Variants in SIK3 observed in about 807,000 individuals in gnomAD.
SIK3 encodes the protein SIK family kinase 3, also known as serine/threonine-protein kinase SIK3.
SIK3 carries 28 observed loss-of-function variants against 144.2 expected under a neutral mutation model. The observed-to-expected ratio is 0.19, with a 90% CI of 0.14 to 0.27. The LOEUF (loss-of-function observed/expected upper bound fraction) is 0.27. Ranked by LOEUF, SIK3 falls within the 10% of genes least tolerant of loss-of-function variation. The probability of loss-of-function intolerance (pLI) is 1.00; values close to 1 mark genes in which losing one functional copy is unlikely to be tolerated. For missense variants in SIK3, 1,319 were observed against 1,776.0 expected, an observed-to-expected ratio of 0.74 and a Z score of 4.62; for synonymous variants, 686 against 676.3, an observed-to-expected ratio of 1.01 and a Z score of -0.22.
At chr11:117,031,822 G>A (rs1565576843) in intron 1 of SIK3, among the ~76,000 whole-genome samples, 1 of 151,342 alleles carries the variant, frequency 6.6e-6, no homozygotes, top group Middle Eastern at 3.4e-3. Flanking sequence ...GATTACAGGC[G>A]TGAGCCACCG....
chr11:116,910,588 G>A (rs544209681), intron 4 of SIK3, among the ~76,000 whole-genome samples: 3 of 152,136 alleles, frequency 2.0e-5, no homozygotes, highest in South Asian at 2.1e-4. Context: ...AAGGAACACC[G>A]GAGTGCTGTA....
chr11:116,930,072 A>G (rs909138100), intron 3 of SIK3, among the ~76,000 whole-genome samples: 1 of 152,044 alleles, frequency 6.6e-6, no homozygotes, highest in Non-Finnish European at 1.5e-5. Context: ...AAATACACTT[A>G]CGGAACAAAT....
rs58587995 is a variant in SIK3 at position 116,965,734 on chromosome 11, AATATATATATATATAT to A, written c.274-8686_274-8671del. Among the ~76,000 whole-genome samples the A allele has an allele frequency of 9.0e-3, 1,059 of 118,302 alleles. 27 individuals carry two copies. Among genetic ancestry groups the A allele is most frequent in the African/African-American group, 0.024 (644 of 27,098 alleles). The allele number at this position is 118,302 out of a possible 152,430, so 77.6% of individuals were successfully genotyped here. Reference sequence around the variant, plus strand: ...CATGGTGAAAACCCGTCTCTGCTAAAATATATATATATATATATATATATATATATATATATATATA... The same window carrying A: ...CATGGTGAAAACCCGTCTCTGCTAAAATATATATATATATATATATATATA... On this transcript the variant is annotated intron_variant, in intron 1 of 24. Coordinates refer to ENST00000445177, the MANE Select transcript of SIK3 (RefSeq NM_001366686.3).
intron 13 of SIK3, among the ~76,000 whole-genome samples, chr11:116,873,076 A>G (rs1273205935): frequency 1.3e-5 from 2 of 152,224 alleles, no homozygotes; most frequent in Non-Finnish European, 2.9e-5. Flanking sequence ...GCATTAGTGA[A>G]AAGGCAATTT....
In SIK3 at chr11:116,858,825, A is replaced by G; in HGVS notation, c.2766-126T>C. Reference sequence around the variant, plus strand: ...AACTGTGGTGTGACAGAGAAGTGGCAGATGTATGCATTGTCCCTATTTATT... The same window carrying G: ...AACTGTGGTGTGACAGAGAAGTGGCGGATGTATGCATTGTCCCTATTTATT... On this transcript the variant is annotated intron_variant, in intron 20 of 24. Coordinates refer to ENST00000445177, the MANE Select transcript of SIK3 (RefSeq NM_001366686.3). This position sits in a 1 kb window ranked among gnomAD's most constrained non-coding sequence, Gnocchi z 5.4. 7.3e-7 allele frequency: 1 copy of G among 1,365,768 alleles called. No individual in the cohort carries two copies. Among genetic ancestry groups the G allele is most frequent in the Non-Finnish European group, 9.8e-7 (1 of 1,022,928 alleles). The allele number at this position is 1,365,768 out of a possible 1,614,324, so 84.6% of individuals were successfully genotyped here.
intron 4 of SIK3, among the ~76,000 whole-genome samples, chr11:116,911,473 C>T (rs1452806958): frequency 6.6e-6 from 1 of 151,888 alleles, no homozygotes; most frequent in Non-Finnish European, 1.5e-5. Context: ...TGGCACTGAA[C>T]TCCAGCCTGG....
chr11:116,963,194 T>C (rs1394925674), intron 1 of SIK3, among the ~76,000 whole-genome samples: 4 of 152,208 alleles, frequency 2.6e-5, no homozygotes, highest in African/African-American at 9.6e-5. Flanking sequence ...TTTTAAAATG[T>C]CTATTGAGCA....
intron 1 of SIK3, among the ~76,000 whole-genome samples, chr11:116,976,684 G>A (rs1319658048): frequency 6.6e-6 from 1 of 152,232 alleles, no homozygotes. Flanking sequence ...GAAGTTGTGT[G>A]AGCCCCCCTA....
At chr11:116,913,376 T>C (rs191380426) in intron 4 of SIK3, among the ~76,000 whole-genome samples, 3 of 152,330 alleles carry the variant, frequency 2.0e-5, no homozygotes, top group East Asian at 1.9e-4. Flanking sequence ...GAGTGACTTA[T>C]GTATTTTTAT....
chr11:116,951,940 G>GAATAAATAAATA (rs139188169), intron 3 of SIK3, among the ~76,000 whole-genome samples: 28 of 141,234 alleles, frequency 2.0e-4, no homozygotes, highest in Non-Finnish European at 9.2e-5. Context: ...GCTCAAAAAA[G>GAATAAATAAATA]AATAAATAAA....
chr11:116,875,379 C>T lies in SIK3; in HGVS notation c.1312G>A (p.Val438Met), dbSNP rs767830580. The T allele has an allele frequency of 6.2e-7, 1 of 1,614,198 alleles. No individual in the cohort carries two copies. Reference protein sequence around the residue: ...VQLINPENQIVEPDGTLNLDS... With the variant: ...VQLINPENQIMEPDGTLNLDS... ...TCCCACAGGTTGCTACTTGCCTCCA[C>T]AATTTGGTTCTCTGGGTTGATCAGC... The change falls in exon 10 of 25, where the codon GTG becomes ATG. Residue 438 changes from valine to methionine, a missense_variant. Physicochemically the swap from Val to Met is conservative, Grantham distance 21. Around this residue, in one of 8 missense-constraint regions of SIK3, gnomAD observed 167 missense variants for 263.3 expected, o/e 0.63. Coordinates refer to ENST00000445177, the MANE Select transcript of SIK3 (RefSeq NM_001366686.3).
intron 1 of SIK3, among the ~76,000 whole-genome samples, chr11:117,056,825 G>A (rs916779592): frequency 6.6e-6 from 1 of 152,048 alleles, no homozygotes; most frequent in African/African-American, 2.4e-5. Context: ...GTCCACCTTT[G>A]GCAATATTGG....
intron 1 of SIK3, 52 bp downstream of exon 1, chr11:117,098,091 C>G (rs574291527): frequency 7.5e-7 from 1 of 1,330,790 alleles, no homozygotes; most frequent in Admixed American, 2.9e-5. Flanking sequence ...GGGGCGCGGA[C>G]CTCTCCCGGC....
chr11:117,091,777 G>A (rs1955259474), intron 1 of SIK3, among the ~76,000 whole-genome samples: 1 of 152,090 alleles, frequency 6.6e-6, no homozygotes, highest in African/African-American at 2.4e-5. Context: ...ATGAGTTGCT[G>A]TTTTTCTTTT....
At chr11:117,003,249 C>A (rs942894395) in intron 1 of SIK3, among the ~76,000 whole-genome samples, 12 of 152,174 alleles carry the variant, frequency 7.9e-5, no homozygotes, top group Non-Finnish European at 4.4e-5. Context: ...ATAGAATTGA[C>A]CAAGCTGCAT....
At chr11:116,956,691 G>A (rs1949151022) in intron 2 of SIK3, among the ~76,000 whole-genome samples, 1 of 152,064 alleles carries the variant, frequency 6.6e-6, no homozygotes, top group African/African-American at 2.4e-5. Flanking sequence ...TGTAGTTGTT[G>A]CTAAGAATGG....
intron 21 of SIK3, among the ~76,000 whole-genome samples, chr11:116,854,527 T>G (rs959933091): frequency 6.6e-6 from 1 of 152,136 alleles, no homozygotes; most frequent in African/African-American, 2.4e-5. Flanking sequence ...CCTAGTAGAG[T>G]AGAAGCTCCC....
intron 3 of SIK3, among the ~76,000 whole-genome samples, chr11:116,932,273 T>G (rs1246169975): frequency 1.3e-5 from 2 of 151,218 alleles, no homozygotes; most frequent in Non-Finnish European, 2.9e-5. Flanking sequence ...TTTTAAAAAC[T>G]TTTTATTTTG....
chr11:117,028,080 C>G (rs1952097353), intron 1 of SIK3, among the ~76,000 whole-genome samples: 1 of 152,084 alleles, frequency 6.6e-6, no homozygotes, highest in Admixed American at 6.5e-5. Flanking sequence ...ACTACTACTA[C>G]TGTTAATAGT....
Sources: gnomAD v4.1 joint callset for allele counts (sites outside exome capture counted in the v4.1 genomes callset) on GRCh38, gnomAD v4.1.1 for gene constraint, gnomAD v4.1.1 regional missense constraint, Gnocchi (gnomAD v3.1) non-coding constraint, MANE v1.5 for transcripts, NCBI Gene and HGNC (gene_info 2026-07-23, HGNC 2026-07-21) for gene names.